Variants in ANKHD1 observed in about 807,000 individuals in gnomAD.
ANKHD1 encodes ankyrin repeat and KH domain containing 1.
A neutral mutation model predicts 230.5 loss-of-function variants in ANKHD1; 31 were observed. The observed-to-expected ratio is 0.13, with a 90% CI of 0.10 to 0.18. The LOEUF is 0.18. Among genes scored for constraint, ANKHD1 ranks in the 10% least tolerant of loss-of-function variants. ANKHD1 has a pLI of 1.00. For synonymous variants in ANKHD1, 1,074 were observed against 1,117.6 expected, an observed-to-expected ratio of 0.96 and a Z score of 0.78; for missense variants, 2,256 against 3,071.3, an observed-to-expected ratio of 0.73 and a Z score of 6.27.
intron 31 of ANKHD1, 145 bp from the exon 32 acceptor site, chr5:140,537,941 G>T: frequency 1.5e-6 from 2 of 1,318,716 alleles, no homozygotes; most frequent in African/African-American, 3.0e-5. Flanking sequence ...GTTTTTTTTG[G>T]CTAGCAAGAC....
chr5:140,509,997 T>G, intron 21 of ANKHD1, 22 bp from the exon 22 acceptor site: 1 of 1,587,714 alleles, frequency 6.3e-7, no homozygotes, highest in East Asian at 2.2e-5. Context: ...GGAAACAAAC[T>G]ATTAATATGC....
chr5:140,533,088 C>G (rs1293615660), intron 29 of ANKHD1, among the ~76,000 whole-genome samples: 1 of 145,264 alleles, frequency 6.9e-6, no homozygotes, highest in African/African-American at 2.8e-5. Flanking sequence ...TAGAGCAAGA[C>G]TCTGTCTCCA....
intron 7 of ANKHD1, among the ~76,000 whole-genome samples, chr5:140,453,701 C>G (rs1774930774): frequency 6.6e-6 from 1 of 152,136 alleles, no homozygotes; most frequent in Admixed American, 6.6e-5. Context: ...CCTAAAAGAG[C>G]TCCTGAAGGA....
At chr5:140,495,601 C>G (rs926649572) in intron 14 of ANKHD1, among the ~76,000 whole-genome samples, 1 of 152,000 alleles carries the variant, frequency 6.6e-6, no homozygotes, top group African/African-American at 2.4e-5. Context: ...AGGTATTGTA[C>G]GTCAAAAAAT....
At chr5:140,441,426 G>A (rs1052152447) in intron 5 of ANKHD1, among the ~76,000 whole-genome samples, 2 of 152,136 alleles carry the variant, frequency 1.3e-5, no homozygotes, top group African/African-American at 2.4e-5. Flanking sequence ...CCACAACATG[G>A]ATGGACCTGA....
chr5:140,491,837 T>C (rs1402830954), intron 14 of ANKHD1, among the ~76,000 whole-genome samples: 1 of 152,214 alleles, frequency 6.6e-6, no homozygotes, highest in Admixed American at 6.5e-5. Flanking sequence ...CTTGCTTGTA[T>C]TAGATGTTTA....
rs1311102439 is a variant in ANKHD1 at position 140,496,547 on chromosome 5, T to C, written c.2273T>C (p.Leu758Pro). ...ACATCCAAGCAGAAGTCCAGTTCCC[T>C]CCAGGTAGCAGATCAGGACCTACTG... ...KGTSKQKSSS[L>P]QVADQDLLPS... Residue 758 changes from leucine to proline, a missense_variant, in exon 15 of 34, where the codon CTC (leucine) becomes CCC (proline). By Grantham distance (98) the Leu-to-Pro change is moderately conservative. Around this residue, in one of 13 missense-constraint regions of ANKHD1, gnomAD observed 358 missense variants for 397.7 expected, o/e 0.90. Transcript: ENST00000360839. 1 of 1,491,824 alleles carries C rather than the reference T, an allele frequency of 6.7e-7. No homozygotes were observed. Among genetic ancestry groups the C allele is most frequent in the Non-Finnish European group, 9.0e-7 (1 of 1,105,576 alleles). The allele number at this position is 1,491,824 out of a possible 1,614,324, so 92.4% of individuals were successfully genotyped here.
At position 140,529,766 on chromosome 5, in the gene ANKHD1, C is replaced by T. The variant is rs1244304804; in HGVS notation, c.6820C>T (p.Pro2274Ser). The change falls in exon 29 of 34, where the codon CCT (proline) becomes TCT (serine). Residue 2274 changes from proline to serine, a missense_variant. Coordinates refer to ENST00000360839, the MANE Select transcript of ANKHD1 (RefSeq NM_017747.3). ...CTCAAAGGCACCTGGCTTCAGACCACCTTCCCAGCGAGTTTCTACTAGTCC... is the reference window on the plus strand; with the variant it reads ...CTCAAAGGCACCTGGCTTCAGACCATCTTCCCAGCGAGTTTCTACTAGTCC... ...DNSKAPGFRP[P>S]SQRVSTSPVG... 3.1e-6 allele frequency: 5 copies of T among 1,613,988 alleles called. No homozygotes were observed. The highest frequency in any genetic ancestry group is 4.2e-6 in the Non-Finnish European group (5 of 1,180,028).
intron 29 of ANKHD1, among the ~76,000 whole-genome samples, chr5:140,532,278 G>A (rs1192582403): frequency 6.6e-6 from 1 of 151,056 alleles, no homozygotes; most frequent in Non-Finnish European, 1.5e-5. Flanking sequence ...TTTACTAAAT[G>A]AAAGAAGCCA....
intron 1 of ANKHD1, among the ~76,000 whole-genome samples, chr5:140,411,177 C>T (rs1430265887): frequency 6.6e-6 from 1 of 152,122 alleles, no homozygotes; most frequent in Non-Finnish European, 1.5e-5. Flanking sequence ...TTGACAAATA[C>T]TCTTCCTACT....
intron 3 of ANKHD1, 77 bp from the exon 4 acceptor site, chr5:140,440,042 T>C: frequency 1.4e-6 from 2 of 1,393,930 alleles, no homozygotes; most frequent in Non-Finnish European, 1.9e-6. Context: ...TGTGTGACTA[T>C]TTATATTTAA....
chr5:140,492,717 T>C (rs997440036), intron 14 of ANKHD1, among the ~76,000 whole-genome samples: 2 of 152,196 alleles, frequency 1.3e-5, no homozygotes, highest in Non-Finnish European at 2.9e-5. Flanking sequence ...GGTTTAAGTT[T>C]TATAGACAAA....
chr5:140,441,106 C>T lies in ANKHD1; in HGVS notation c.877C>T (p.Leu293Phe). The T allele has an allele frequency of 6.2e-7, 1 of 1,608,056 alleles. No homozygotes were observed. Among genetic ancestry groups the T allele is most frequent in the Non-Finnish European group, 8.5e-7 (1 of 1,177,906 alleles). Residue 293 changes from leucine (L) to phenylalanine (F), a missense_variant, in exon 5 of 34, where the codon CTT becomes TTT. Leu to Phe is a conservative substitution (Grantham distance 22). This residue lies in a region of ANKHD1 where 206 missense variants were observed against 304.5 expected (regional missense o/e 0.68). Coordinates refer to ENST00000360839, the MANE Select transcript of ANKHD1 (RefSeq NM_017747.3). The part of the protein sequence containing the change: ...GYLDIVKLLL[L>F]HDADVNSQSA... Reference sequence around the variant, plus strand: ...CTTAGATATTGTGAAATTATTACTTCTTCATGATGCTGATGTCAACTCCCA... The same window carrying T: ...CTTAGATATTGTGAAATTATTACTTTTTCATGATGCTGATGTCAACTCCCA...
At chr5:140,427,854 G>A (rs1346946289) in intron 1 of ANKHD1, among the ~76,000 whole-genome samples, 8 of 151,832 alleles carry the variant, frequency 5.3e-5, no homozygotes, top group African/African-American at 1.9e-4. Flanking sequence ...TGGCTGCTGG[G>A]CGGAGGGGCT....
intron 24 of ANKHD1, among the ~76,000 whole-genome samples, chr5:140,515,685 G>A (rs536609850): frequency 6.6e-5 from 10 of 152,344 alleles, no homozygotes; most frequent in Admixed American, 6.5e-4. Context: ...AGCAGGGTCA[G>A]ACTGACACCT....
intron 1 of ANKHD1, among the ~76,000 whole-genome samples, chr5:140,427,489 G>A (rs1194602701): frequency 1.5e-5 from 2 of 135,426 alleles, no homozygotes; most frequent in Non-Finnish European, 3.2e-5. Flanking sequence ...CTTCCCAGTA[G>A]GGGCGGCCGG....
intron 1 of ANKHD1, among the ~76,000 whole-genome samples, chr5:140,434,509 T>C (rs547200624): frequency 6.6e-6 from 1 of 150,922 alleles, no homozygotes; most frequent in South Asian, 2.1e-4. Context: ...ACATTACATA[T>C]ATTATGTAAA....
At chr5:140,408,037 T>C (rs1770617519) in intron 1 of ANKHD1, among the ~76,000 whole-genome samples, 1 of 151,826 alleles carries the variant, frequency 6.6e-6, no homozygotes, top group South Asian at 2.1e-4. Context: ...ATTAGCTGGG[T>C]ATGGTGGCAG....
intron 15 of ANKHD1, among the ~76,000 whole-genome samples, chr5:140,499,619 A>G (rs1026333813): frequency 6.6e-6 from 1 of 152,246 alleles, no homozygotes; most frequent in Non-Finnish European, 1.5e-5. Flanking sequence ...TGATTAGCTG[A>G]TTAACTTAGC....
Sources: allele counts gnomAD v4.1 joint callset (sites outside exome capture counted in the v4.1 genomes callset), GRCh38; gene constraint gnomAD v4.1.1; regional missense constraint gnomAD v4.1.1; transcripts MANE v1.5; gene names NCBI Gene and HGNC (gene_info 2026-07-23, HGNC 2026-07-21).